The following GHR variants were observed in gnomAD, a reference collection of about 807,000 sequenced individuals.
GHR encodes the protein growth hormone receptor.
In GHR, 35 loss-of-function variants were observed where a neutral mutation model predicts 67.1. The ratio of observed to expected loss-of-function variants is 0.52; its 90% CI spans 0.40 to 0.69. GHR has a LOEUF of 0.69. Among genes scored for constraint, GHR ranks in the 30% least tolerant of loss-of-function variants. The pLI is 0.00. For missense variants in GHR, 792 were observed against 764.6 expected, an observed-to-expected ratio of 1.04 and a Z score of -0.42; for synonymous variants, 272 against 269.1, an observed-to-expected ratio of 1.01 and a Z score of -0.10.
chr5:42,611,570 C>A (rs1752892996), intron 2 of GHR, among the ~76,000 whole-genome samples: 1 of 152,122 alleles, frequency 6.6e-6, no homozygotes, highest in Admixed American at 6.5e-5. Flanking sequence ...TGGTTTCTGT[C>A]TTCTTAGAGT....
At chr5:42,717,922 C>T (rs1411178335) in intron 8 of GHR, 130 bp from the exon 9 acceptor site, 10 of 639,870 alleles carry the variant, frequency 1.6e-5, no homozygotes, top group Non-Finnish European at 2.6e-5. Flanking sequence ...TTCTCACACT[C>T]CAATTATATA....
At chr5:42,510,932 A>AT (rs1478658811) in intron 1 of GHR, among the ~76,000 whole-genome samples, 7 of 152,120 alleles carry the variant, frequency 4.6e-5, no homozygotes, top group African/African-American at 1.4e-4. Context: ...AACTTCAGGG[A>AT]TTTTTCCTTT....
In GHR at chr5:42,673,161, C is replaced by T. The variant is rs144861566; in HGVS notation, c.137-15729C>T. Among the ~76,000 whole-genome samples, 521 of 152,218 alleles carry T rather than the reference C, an allele frequency of 3.4e-3. 3 individuals carry two copies. Among genetic ancestry groups the T allele is most frequent in the Non-Finnish European group, 5.1e-3 (350 of 68,004 alleles). ...ACAGCTAACAAACATGAAAAAATGT[C>T]TCACATCACTAATCATCAGAGAAAT... On this transcript the variant is annotated intron_variant, in intron 3 of 9. Coordinates refer to ENST00000230882, the MANE Select transcript of GHR (RefSeq NM_000163.5).
chr5:42,705,709 T>G (rs1187738836), intron 6 of GHR, among the ~76,000 whole-genome samples: 1 of 152,146 alleles, frequency 6.6e-6, no homozygotes, highest in Non-Finnish European at 1.5e-5. Flanking sequence ...TCCAGCTCCA[T>G]CCATGTGACT....
intron 1 of GHR, among the ~76,000 whole-genome samples, chr5:42,458,771 C>T (rs11748224): frequency 0.074 from 11,240 of 152,112 alleles, 515 homozygotes; most frequent in African/African-American, 0.12. Context: ...GAATCTATAA[C>T]AAACTTGAAC....
chr5:42,697,592 C>T (rs1757739935), intron 5 of GHR, among the ~76,000 whole-genome samples: 2 of 152,112 alleles, frequency 1.3e-5, no homozygotes, highest in Non-Finnish European at 2.9e-5. Flanking sequence ...GCATGCTTTT[C>T]CTCACTCAAT....
intron 2 of GHR, among the ~76,000 whole-genome samples, chr5:42,607,350 T>G (rs1453150065): frequency 6.6e-6 from 1 of 152,180 alleles, no homozygotes; most frequent in Admixed American, 6.5e-5. Flanking sequence ...ACCCTTTAAC[T>G]TCTAAGAAGG....
intron 2 of GHR, among the ~76,000 whole-genome samples, chr5:42,572,096 A>AT (rs1750356358): frequency 6.6e-6 from 1 of 152,134 alleles, no homozygotes; most frequent in Non-Finnish European, 1.5e-5. Context: ...GCCATTGATG[A>AT]TTTTCTCCTC....
In GHR at chr5:42,720,711, C is replaced by T. The variant is rs1440262664; in HGVS notation, c.*1287C>T. ...CAAGGTTTTCAGTCCCCACAGATAA[C>T]TGAAAATTATTTAAACCGCTAAAAG... On this transcript the variant is annotated 3_prime_UTR_variant, in exon 10 of 10. Coordinates refer to ENST00000230882, the MANE Select transcript of GHR (RefSeq NM_000163.5). 6.6e-6 allele frequency: 1 copy of T among 152,158 alleles called. No individual in the cohort carries two copies. The allele number at this position is 152,158 out of a possible 1,614,324, so 9.4% of individuals were successfully genotyped here.
intron 1 of GHR, chr5:42,550,018 A>C: frequency 1.5e-6 from 1 of 661,356 alleles, no homozygotes; most frequent in Non-Finnish European, 1.9e-6. Context: ...GGGAAGGCCA[A>C]AGAGCCAGGT....
chr5:42,464,252 C>A (rs546719994), intron 1 of GHR, among the ~76,000 whole-genome samples: 9 of 152,162 alleles, frequency 5.9e-5, no homozygotes, highest in African/African-American at 2.2e-4. Flanking sequence ...GCTCTCAATG[C>A]GAAGCTCCCA....
intron 1 of GHR, among the ~76,000 whole-genome samples, chr5:42,485,251 T>G (rs950855266): frequency 1.3e-5 from 2 of 152,222 alleles, no homozygotes; most frequent in Non-Finnish European, 2.9e-5. Flanking sequence ...TTTACCTCTA[T>G]GGTCTTCCAT....
intron 8 of GHR, among the ~76,000 whole-genome samples, chr5:42,714,632 AAACC>A (rs1350167367): frequency 6.6e-6 from 1 of 152,192 alleles, no homozygotes; most frequent in African/African-American, 2.4e-5. Context: ...TTTATAATAT[AAACC>A]AATTGGAAAG....
chr5:42,536,046 G>C (rs992865116), intron 1 of GHR, among the ~76,000 whole-genome samples: 1 of 152,078 alleles, frequency 6.6e-6, no homozygotes, highest in Non-Finnish European at 1.5e-5. Context: ...TCTTTTATCA[G>C]TTCTGGGAAC....
At chr5:42,684,558 C>A (rs955102945) in intron 3 of GHR, among the ~76,000 whole-genome samples, 1 of 152,094 alleles carries the variant, frequency 6.6e-6, no homozygotes, top group African/African-American at 2.4e-5. Flanking sequence ...GCTTGCCTAA[C>A]GAAATACACA....
intron 8 of GHR, chr5:42,715,184 A>G (rs1445865780): frequency 1.4e-5 from 4 of 291,440 alleles, no homozygotes; most frequent in Non-Finnish European, 2.8e-5. Context: ...ACTAAATTGA[A>G]TTTTCTGTAG....
chr5:42,699,399 G>A (rs79974860), intron 5 of GHR, among the ~76,000 whole-genome samples: 6,441 of 152,114 alleles, frequency 0.042, 190 homozygotes, highest in African/African-American at 0.084. Flanking sequence ...ATAGTTGCAA[G>A]AAAAAAGGTT....
intron 1 of GHR, among the ~76,000 whole-genome samples, chr5:42,550,314 A>G (rs1748956219): frequency 6.6e-6 from 1 of 151,788 alleles, no homozygotes; most frequent in Admixed American, 6.6e-5. Flanking sequence ...GTAAAATGCA[A>G]CCTTTAGACT....
chr5:42,596,672 G>A (rs1313363771), intron 2 of GHR, among the ~76,000 whole-genome samples: 1 of 152,154 alleles, frequency 6.6e-6, no homozygotes, highest in Non-Finnish European at 1.5e-5. Context: ...GTGGTTGCAG[G>A]TAGTATCAGC....
Sources: allele counts gnomAD v4.1 joint callset (sites outside exome capture counted in the v4.1 genomes callset), GRCh38; gene constraint gnomAD v4.1.1; transcripts MANE v1.5; gene names NCBI Gene and HGNC (gene_info 2026-07-23, HGNC 2026-07-21).